The following PSMA3 variants were observed in gnomAD, a reference collection of about 807,000 sequenced individuals.
PSMA3 encodes the protein proteasome 20S subunit alpha 3.
PSMA3 carries 8 observed loss-of-function variants against 40.0 expected under a neutral mutation model. The observed-to-expected ratio is 0.20, with a 90% CI of 0.12 to 0.36. The LOEUF is 0.36. Ranked by LOEUF, PSMA3 falls within the 10% of genes least tolerant of loss-of-function variation. The pLI is 1.00. For synonymous variants in PSMA3, 110 were observed against 100.0 expected (o/e 1.10, Z -0.59); for missense variants, 219 against 310.6 (o/e 0.70, Z 2.22).
chr14:58,263,839 A>C, intron 7 of PSMA3, 69 bp downstream of exon 7: 1 of 1,412,096 alleles, frequency 7.1e-7, no homozygotes, highest in Non-Finnish European at 1.0e-6. Context: ...CACCACAGAC[A>C]TTTCAGTCTA....
intron 2 of PSMA3, among the ~76,000 whole-genome samples, chr14:58,250,515 A>G (rs966002104): frequency 1.5e-4 from 23 of 152,216 alleles, no homozygotes; most frequent in African/African-American, 4.8e-5. Flanking sequence ...TACAGAATTT[A>G]TAACAGGAAA....
chr14:58,264,960 T>C (rs544815499), intron 7 of PSMA3: 2 of 152,338 alleles, frequency 1.3e-5, no homozygotes, highest in South Asian at 2.1e-4. Context: ...ATATGGAAAT[T>C]TGAAAATTAG....
chr14:58,263,810 T>C, intron 7 of PSMA3, 40 bp downstream of exon 7: 7 of 1,565,262 alleles, frequency 4.5e-6, no homozygotes, highest in Non-Finnish European at 6.2e-6. Context: ...GTCGTCATCC[T>C]AATGCAGTGA....
intron 2 of PSMA3, among the ~76,000 whole-genome samples, chr14:58,249,419 G>T (rs1251268137): frequency 6.6e-6 from 1 of 151,970 alleles, no homozygotes; most frequent in Non-Finnish European, 1.5e-5. Flanking sequence ...TGAACTTTTG[G>T]GCTCAAGTAA....
chr14:58,271,888 A>C lies in PSMA3; in HGVS notation c.761A>C (p.Asn254Thr). Residue 254 changes from asparagine (N) to threonine (T), a missense_variant, in exon 11 of 11, where the codon AAT becomes ACT. Coordinates refer to ENST00000216455, the MANE Select transcript of PSMA3 (RefSeq NM_002788.4). ...LKEEDESDDD[N>T]M The stretch of plus-strand genomic sequence containing the variant: ...GAAGAAGATGAATCAGATGATGATA[A>C]TATGTAACATTTACTCCAGCATCTA... The C allele has an allele frequency of 1.9e-6, 3 of 1,585,514 alleles. No individual in the cohort carries two copies. Among genetic ancestry groups the C allele is most frequent in the Non-Finnish European group, 1.7e-6 (2 of 1,154,620 alleles).
At chr14:58,267,362 CAG>C (rs2140096015) in intron 7 of PSMA3, 110 bp from the exon 8 acceptor site, 2 of 1,270,876 alleles carry the variant, frequency 1.6e-6, no homozygotes, top group African/African-American at 1.5e-5. Flanking sequence ...TGGTCTTTTT[CAG>C]ACTTTAGGTT....
intron 2 of PSMA3, among the ~76,000 whole-genome samples, chr14:58,251,395 C>G (rs770060337): frequency 1.3e-5 from 2 of 152,168 alleles, no homozygotes; most frequent in Non-Finnish European, 2.9e-5. Context: ...CAAGCAATCT[C>G]TCACCTCAGC....
intron 8 of PSMA3, chr14:58,268,030 C>T (rs1890497410): frequency 6.6e-6 from 1 of 152,140 alleles, no homozygotes; most frequent in African/African-American, 2.4e-5. Flanking sequence ...AACATTTCAA[C>T]AACCAGCTTA....
intron 8 of PSMA3, 107 bp from the exon 9 acceptor site, chr14:58,270,311 A>G: frequency 1.4e-6 from 2 of 1,454,516 alleles, no homozygotes; most frequent in Non-Finnish European, 1.9e-6. Context: ...AATTTTATAG[A>G]TACTTTTATT....
chr14:58,247,655 A>G, intron 1 of PSMA3, 95 bp from the exon 2 acceptor site: 1 of 779,380 alleles, frequency 1.3e-6, no homozygotes, highest in East Asian at 2.5e-5. Flanking sequence ...TTGGGATATA[A>G]CAGGTTCCTG....
chr14:58,251,558 G>A (rs1368600589), intron 2 of PSMA3, among the ~76,000 whole-genome samples: 1 of 152,210 alleles, frequency 6.6e-6, no homozygotes, highest in Non-Finnish European at 1.5e-5. Context: ...GAGCCACCAT[G>A]CCTGGTCTTA....
At chr14:58,247,701 G>C in intron 1 of PSMA3, 49 bp from the exon 2 acceptor site, 1 of 1,271,798 alleles carries the variant, frequency 7.9e-7, no homozygotes. Context: ...AAACTGTATG[G>C]TCATTACTGC....
intron 3 of PSMA3, among the ~76,000 whole-genome samples, chr14:58,255,717 C>T (rs893607602): frequency 5.3e-5 from 8 of 152,112 alleles, no homozygotes; most frequent in Non-Finnish European, 1.0e-4. Flanking sequence ...TGCGGTGAGC[C>T]GCGATTGCAC....
intron 2 of PSMA3, 27 bp from the exon 3 acceptor site, chr14:58,252,092 A>T: frequency 6.4e-7 from 1 of 1,565,612 alleles, no homozygotes; most frequent in Non-Finnish European, 8.6e-7. Flanking sequence ...TTCAGTTAAA[A>T]AACTGATTTT....
Position 58,254,340 on chromosome 14 carries a change from A to ATATATATATATATATATATATATATG in PSMA3, c.228+2101_228+2102insATATATATATATATATATATATGTAT. Among the ~76,000 whole-genome samples, 215 of 34,798 alleles carry ATATATATATATATATATATATATATG rather than the reference A, an allele frequency of 6.2e-3. 13 individuals carry two copies. The highest frequency in any genetic ancestry group is 0.02 in the African/African-American group (205 of 10,386). The allele number at this position is 34,798 out of a possible 152,430, so 22.8% of individuals were successfully genotyped here. The stretch of plus-strand genomic sequence containing the variant: ...TGAAAAAAATTATGCATGCATATAT[A>ATATATATATATATATATATATATATG]TATGTATGTACACACACACAGAGGT... On this transcript the variant is annotated intron_variant, in intron 3 of 10. Transcript: ENST00000216455.
Position 58,246,376 on chromosome 14 carries a change from C to G in PSMA3, c.22-1374C>G, listed in dbSNP as rs1037619561. Among the ~76,000 whole-genome samples, 6 of 152,300 alleles carry G rather than the reference C, an allele frequency of 3.9e-5. No individual in the cohort carries two copies. In the South Asian group the frequency reaches 6.2e-4, roughly 16 times the overall value. On this transcript the variant is annotated intron_variant, in intron 1 of 10. Transcript: ENST00000216455. Reference sequence around the variant, plus strand: ...TCCTTTTTTTACTTTACTCCCAGAACCAACGCTTTAGCAAGTTTATTTTTT... The same window carrying G: ...TCCTTTTTTTACTTTACTCCCAGAAGCAACGCTTTAGCAAGTTTATTTTTT...
At chr14:58,267,690 A>T (rs1035674763) in intron 8 of PSMA3, 170 bp downstream of exon 8, 1 of 1,202,866 alleles carries the variant, frequency 8.3e-7, no homozygotes, top group Non-Finnish European at 1.0e-6. Flanking sequence ...AATGTTTTTA[A>T]GCAATATTTT....
intron 5 of PSMA3, 71 bp downstream of exon 5, chr14:58,258,069 T>G: frequency 8.1e-7 from 1 of 1,241,668 alleles, no homozygotes; most frequent in East Asian, 2.4e-5. Context: ...CCCAGCATCT[T>G]AGCCTTTTAC....
At chr14:58,268,084 T>G (rs570225898) in intron 8 of PSMA3, 4 of 152,320 alleles carry the variant, frequency 2.6e-5, no homozygotes, top group African/African-American at 9.6e-5. Flanking sequence ...AGTAGAATAC[T>G]ATTAATATGT....
Sources: gnomAD v4.1 joint callset for allele counts (sites outside exome capture counted in the v4.1 genomes callset) on GRCh38, gnomAD v4.1.1 for gene constraint, MANE v1.5 for transcripts, NCBI Gene and HGNC (gene_info 2026-07-23, HGNC 2026-07-21) for gene names.